SMYD4: variants seen among roughly 807,000 people sequenced by gnomAD.
SMYD4 encodes SET and MYND domain containing 4.
In SMYD4, 68 loss-of-function variants were observed where a neutral mutation model predicts 72.8. That is an observed-to-expected ratio of 0.93 (90% CI 0.77 to 1.14). The LOEUF (loss-of-function observed/expected upper bound fraction) is 1.14, where lower values mean the gene tolerates loss of function less well. SMYD4 is among the 50% of genes most tolerant of loss of function. The pLI, the probability that SMYD4 is intolerant of heterozygous loss-of-function variation, is 0.00. For synonymous variants in SMYD4, 407 were observed against 388.6 expected (o/e 1.05, Z -0.56); for missense variants, 984 against 1,003.7 (o/e 0.98, Z 0.27).
At chr17:1,816,328 A>AT (rs144257567) in intron 2 of SMYD4, among the ~76,000 whole-genome samples, 6,596 of 151,460 alleles carry the variant, frequency 0.044, 511 homozygotes, top group African/African-American at 0.15. Flanking sequence ...ATTTAAAAAA[A>AT]TTTTTTTTTG....
chr17:1,784,744 G>C (rs73295031), intron 7 of SMYD4, among the ~76,000 whole-genome samples: 26 of 152,128 alleles, frequency 1.7e-4, no homozygotes, highest in African/African-American at 5.5e-4. Context: ...CCCTCTTGTC[G>C]CTTTTTGGGG....
chr17:1,813,381 G>A lies in SMYD4; in HGVS notation c.135-1266C>T, dbSNP rs117224798. 3.6e-3 allele frequency among the ~76,000 whole-genome samples: 546 copies of A among 152,138 alleles called. 2 individuals carry two copies. Among genetic ancestry groups the A allele is most frequent in the South Asian group, 1.0e-2 (48 of 4,816 alleles). On this transcript the variant is annotated intron_variant, in intron 2 of 10. Coordinates refer to ENST00000305513, the MANE Select transcript of SMYD4 (RefSeq NM_052928.3). ...AATCATAAAGTAAATGTAGTAAAAC[G>A]TTAACACTTGCGAAATTTGGAAGAA...
intron 2 of SMYD4, among the ~76,000 whole-genome samples, chr17:1,819,107 A>G (rs1024343387): frequency 6.6e-6 from 1 of 152,062 alleles, no homozygotes; most frequent in African/African-American, 2.4e-5. Flanking sequence ...CTGTAATCCC[A>G]GCACTTAGGG....
rs1251115070 is a variant in SMYD4, at chr17:1,800,447, T to C, written c.947A>G (p.Lys316Arg). The change falls in exon 5 of 11, where the codon AAG (lysine) becomes AGG (arginine). Residue 316 changes from lysine to arginine, a missense_variant. By Grantham distance (26) the Lys-to-Arg change is conservative (BLOSUM62 2). Coordinates refer to ENST00000305513, the MANE Select transcript of SMYD4 (RefSeq NM_052928.3). ...CTGCAAACACTCCTGGCTGCAATAC[T>C]TGGCATAACTGCATCCGTCACACGG... The part of the protein sequence containing the change: ...TVPCDGCSYA[K>R]YCSQECLQQA... The C allele has an allele frequency of 1.2e-6, 2 of 1,614,182 alleles. No individual in the cohort carries two copies. The highest frequency in any genetic ancestry group is 1.7e-5 in the Admixed American group (1 of 60,004).
intron 4 of SMYD4, among the ~76,000 whole-genome samples, chr17:1,801,952 G>C (rs1209255978): frequency 6.6e-6 from 1 of 151,798 alleles, no homozygotes; most frequent in South Asian, 2.1e-4. Flanking sequence ...CTCCAGCCTG[G>C]GTGACAGAGC....
At position 1,779,706 on chromosome 17, in the gene SMYD4, T is replaced by C. The variant is rs1340108459; in HGVS notation, c.*1580A>G. The C allele has an allele frequency of 3.3e-5, 5 of 152,412 alleles. No homozygotes were observed. Among genetic ancestry groups the C allele is most frequent in the Admixed American group, 1.3e-4 (2 of 15,296 alleles). 9.4% of individuals were successfully genotyped at this position (152,412 alleles called of 1,614,324 possible). On this transcript the variant is annotated 3_prime_UTR_variant, in exon 11 of 11. Coordinates refer to ENST00000305513, the MANE Select transcript of SMYD4 (RefSeq NM_052928.3). ...CTCAATAAAACGGCTCCATATTTAC[T>C]TCTCTGGTCACGGTTCATACTCCAC...
intron 2 of SMYD4, among the ~76,000 whole-genome samples, chr17:1,817,813 C>A (rs186339956): frequency 8.2e-4 from 124 of 151,990 alleles, no homozygotes; most frequent in African/African-American, 2.7e-3. Context: ...TTTGGGAGGC[C>A]GAGGTGGGCG....
intron 2 of SMYD4, among the ~76,000 whole-genome samples, chr17:1,826,384 C>G (rs1333150001): frequency 1.3e-5 from 2 of 149,720 alleles, no homozygotes; most frequent in Non-Finnish European, 3.0e-5. Flanking sequence ...CCCAGCTACT[C>G]GGGAGGCTGA....
intron 2 of SMYD4, among the ~76,000 whole-genome samples, chr17:1,821,560 A>G (rs532902198): frequency 1.3e-5 from 2 of 152,082 alleles, no homozygotes; most frequent in Admixed American, 1.3e-4. Flanking sequence ...TGAGTTGGGA[A>G]GAAGAGAGCA....
chr17:1,798,480 G>A (rs533372383), intron 5 of SMYD4, among the ~76,000 whole-genome samples: 242 of 152,086 alleles, frequency 1.6e-3, no homozygotes, highest in Middle Eastern at 6.8e-3. Flanking sequence ...AAAAAAATTC[G>A]GGTTGAGTGC....
chr17:1,829,837 T>A lies in SMYD4; in HGVS notation c.-124A>T. The A allele has an allele frequency of 3.4e-6, 1 of 293,324 alleles. No homozygotes were observed. The highest frequency in any genetic ancestry group is 6.2e-6 in the Non-Finnish European group (1 of 161,934). 18.2% of individuals were successfully genotyped at this position (293,324 alleles called of 1,614,324 possible). On this transcript the variant is annotated 5_prime_UTR_variant, in exon 1 of 11. Coordinates refer to ENST00000305513, the MANE Select transcript of SMYD4 (RefSeq NM_052928.3). ...CCCGCGCAGCTCCTGGCGCGCCCCTTGGCGCCCCGCTCCGCCCCGCACCGC... is the reference window on the plus strand; with the variant it reads ...CCCGCGCAGCTCCTGGCGCGCCCCTAGGCGCCCCGCTCCGCCCCGCACCGC...
Position 1,779,822 on chromosome 17 carries a change from A to C in SMYD4, c.*1464T>G, listed in dbSNP as rs899872164. On this transcript the variant is annotated 3_prime_UTR_variant, in exon 11 of 11. Coordinates refer to ENST00000305513, the MANE Select transcript of SMYD4 (RefSeq NM_052928.3). ...CAGGCTTGCTGATTTCTTGTTTTATAATTCTTTTTTAATTACAATGTAACT... is the reference window on the plus strand; with the variant it reads ...CAGGCTTGCTGATTTCTTGTTTTATCATTCTTTTTTAATTACAATGTAACT... The C allele has an allele frequency of 3.3e-5, 5 of 152,626 alleles. No individual in the cohort carries two copies. Among genetic ancestry groups the C allele is most frequent in the Admixed American group, 2.0e-4 (3 of 15,268 alleles). 9.5% of individuals were successfully genotyped at this position (152,626 alleles called of 1,614,324 possible).
chr17:1,805,562 A>G (rs1237571330), intron 3 of SMYD4, among the ~76,000 whole-genome samples: 2 of 152,190 alleles, frequency 1.3e-5, no homozygotes, highest in Non-Finnish European at 2.9e-5. Flanking sequence ...CTGTAATCCC[A>G]GCACTTTGGG....
In SMYD4 at chr17:1,828,133, G is replaced by A. The variant is rs1911299719; in HGVS notation, c.-12-127C>T. ...TGGGAAGCCGAGGTAGGTGGATCAC[G>A]AGGTCAGGAGATGGAGACCATCCTG... On this transcript the variant is annotated intron_variant, in intron 1 of 10. Transcript: ENST00000305513. 4 of 795,020 alleles carry A rather than the reference G, an allele frequency of 5.0e-6. No individual in the cohort carries two copies. In the African/African-American group the frequency reaches 6.9e-5, roughly 14 times the overall value. 49.2% of individuals were successfully genotyped at this position (795,020 alleles called of 1,614,324 possible).
At chr17:1,807,309 C>T (rs914817081) in intron 3 of SMYD4, among the ~76,000 whole-genome samples, 10 of 150,688 alleles carry the variant, frequency 6.6e-5, no homozygotes, top group African/African-American at 2.4e-4. Context: ...GCCATGTAGC[C>T]ATCATAAAGA....
chr17:1,804,120 C>G (rs572357379), intron 4 of SMYD4, among the ~76,000 whole-genome samples: 2 of 152,044 alleles, frequency 1.3e-5, no homozygotes, highest in East Asian at 3.9e-4. Flanking sequence ...CATGATCCGC[C>G]TGCCTCAGCC....
intron 3 of SMYD4, among the ~76,000 whole-genome samples, chr17:1,805,976 T>C (rs761222566): frequency 2.0e-4 from 30 of 148,174 alleles, no homozygotes; most frequent in Non-Finnish European, 3.9e-4. Flanking sequence ...CAGGCTGGAG[T>C]GCAGTGGCTC....
At chr17:1,825,516 T>C (rs1264511425) in intron 2 of SMYD4, among the ~76,000 whole-genome samples, 41 of 150,302 alleles carry the variant, frequency 2.7e-4, no homozygotes, top group South Asian at 1.0e-3. Context: ...TCTTTCTTTT[T>C]TTTTTTTTTT....
At chr17:1,783,004 G>A (rs760606894) in intron 10 of SMYD4, 31 bp downstream of exon 10, 1 of 1,608,604 alleles carries the variant, frequency 6.2e-7, no homozygotes, top group South Asian at 1.1e-5. Flanking sequence ...AAGGAACAGT[G>A]TGTGCCCTGT....
Sources: gnomAD v4.1 joint callset for allele counts (sites outside exome capture counted in the v4.1 genomes callset) on GRCh38, gnomAD v4.1.1 for gene constraint, MANE v1.5 for transcripts, NCBI Gene and HGNC (gene_info 2026-07-23, HGNC 2026-07-21) for gene names.